The following PTPRG variants were observed in gnomAD, a reference collection of about 807,000 sequenced individuals.
PTPRG encodes protein tyrosine phosphatase receptor type G, also known as receptor-type tyrosine-protein phosphatase gamma.
Under a neutral mutation model 165.3 loss-of-function variants are expected in PTPRG, and 102 were observed. That is an observed-to-expected ratio of 0.62 (90% confidence interval 0.53 to 0.73). The LOEUF (loss-of-function observed/expected upper bound fraction) is 0.73, where lower values mean the gene tolerates loss of function less well. Ranked by LOEUF, PTPRG falls within the 30% of genes least tolerant of loss-of-function variation. PTPRG has a pLI of 0.00. For missense variants in PTPRG, 1,866 were observed against 1,861.4 expected, an observed-to-expected ratio of 1.00 and a Z score of -0.05; for synonymous variants, 675 against 669.5, an observed-to-expected ratio of 1.01 and a Z score of -0.13.
intron 8 of PTPRG, among the ~76,000 whole-genome samples, chr3:62,189,742 TC>T (rs1699759425): frequency 6.6e-6 from 1 of 152,120 alleles, no homozygotes; most frequent in South Asian, 2.1e-4. Flanking sequence ...CAGCTGAAGT[TC>T]AGGGGATCTT....
At chr3:61,690,070 CT>C (rs2030089036) in intron 1 of PTPRG, among the ~76,000 whole-genome samples, 1 of 152,210 alleles carries the variant, frequency 6.6e-6, no homozygotes, top group Admixed American at 6.5e-5. Context: ...CTTCAGCTTC[CT>C]TTTTCTTTGG....
intron 5 of PTPRG, among the ~76,000 whole-genome samples, chr3:62,122,430 G>A (rs1300063834): frequency 6.6e-6 from 1 of 152,162 alleles, no homozygotes; most frequent in East Asian, 1.9e-4. Flanking sequence ...CATTATGAGA[G>A]CAATCATTCA....
chr3:61,801,106 C>G, intron 2 of PTPRG, among the ~76,000 whole-genome samples: 1 of 152,186 alleles, frequency 6.6e-6, no homozygotes, highest in East Asian at 1.9e-4. Flanking sequence ...GTGTCACCAG[C>G]TGCTTCTGCA....
At chr3:61,678,338 G>A (rs1372545064) in intron 1 of PTPRG, among the ~76,000 whole-genome samples, 3 of 152,174 alleles carry the variant, frequency 2.0e-5, no homozygotes, top group Non-Finnish European at 4.4e-5. Context: ...TGTTGTCCAG[G>A]GAAGAAATAG....
At chr3:61,908,121 TAAAAAAA>T (rs1183592777) in intron 2 of PTPRG, among the ~76,000 whole-genome samples, 909 of 67,194 alleles carry the variant, frequency 0.014, 5 homozygotes, top group Non-Finnish European at 0.019. Flanking sequence ...CACCTCTCTT[TAAAAAAA>T]AAAAAAAAAA....
chr3:61,950,791 T>C (rs1409467329), intron 2 of PTPRG, among the ~76,000 whole-genome samples: 1 of 152,246 alleles, frequency 6.6e-6, no homozygotes. Context: ...TTTTGATCTT[T>C]ATGTTTAAAT....
chr3:61,643,263 G>A (rs917894321), intron 1 of PTPRG, among the ~76,000 whole-genome samples: 1 of 150,724 alleles, frequency 6.6e-6, no homozygotes, highest in Non-Finnish European at 1.5e-5. Context: ...CATCTGGGGA[G>A]AGAGAGAGAG....
chr3:61,677,864 G>A (rs1212275953), intron 1 of PTPRG, among the ~76,000 whole-genome samples: 4 of 152,184 alleles, frequency 2.6e-5, no homozygotes, highest in East Asian at 1.9e-4. Flanking sequence ...GGAGTGTTGG[G>A]CCGTGGATGG....
intron 26 of PTPRG, 115 bp downstream of exon 26, chr3:62,277,794 A>G (rs550226709): frequency 3.8e-6 from 5 of 1,308,076 alleles, no homozygotes; most frequent in Non-Finnish European, 5.2e-6. Flanking sequence ...GGGAATTTAA[A>G]ATTTTTAAAT....
At chr3:61,965,129 G>A (rs1335815937) in intron 2 of PTPRG, among the ~76,000 whole-genome samples, 4 of 151,568 alleles carry the variant, frequency 2.6e-5, no homozygotes, top group East Asian at 1.9e-4. Context: ...CTGTAATCCC[G>A]TCTACGTAGG....
rs562501588 is a variant in PTPRG at position 62,167,958 on chromosome 3, G to A, written c.841-13G>A. The A allele has an allele frequency of 1.2e-5, 20 of 1,605,350 alleles. No individual in the cohort carries two copies. In the South Asian group the frequency reaches 2.2e-4, roughly 18 times the overall value. ...TTTTTTTTTCCCCCTCCCCTCTCTGGTCCTCTGTTCAGCTTGAGGCTTTTT... is the reference window on the plus strand; with the variant it reads ...TTTTTTTTTCCCCCTCCCCTCTCTGATCCTCTGTTCAGCTTGAGGCTTTTT... On this transcript the variant is annotated splice_polypyrimidine_tract_variant and intron_variant, in intron 7 of 29. Transcript: ENST00000474889.
intron 5 of PTPRG, among the ~76,000 whole-genome samples, chr3:62,086,690 TA>T (rs1008549092): frequency 9.2e-5 from 14 of 152,216 alleles, no homozygotes; most frequent in Non-Finnish European, 8.8e-5. Flanking sequence ...GACTTTTTTT[TA>T]ATCCACAAAC....
chr3:62,261,814 A>G (rs1462651880), intron 16 of PTPRG: 11 of 152,220 alleles, frequency 7.2e-5, no homozygotes, highest in African/African-American at 2.2e-4. Flanking sequence ...ATAAAAGACA[A>G]CCAGTTCATT....
chr3:61,809,818 C>A (rs140734799), intron 2 of PTPRG, among the ~76,000 whole-genome samples: 1 of 152,240 alleles, frequency 6.6e-6, no homozygotes, highest in African/African-American at 2.4e-5. Context: ...AGTTGAGAGC[C>A]ACGGAAGCTT....
rs181946597 is a variant in PTPRG, at chr3:62,237,557, G to A, written c.2375+6246G>A. 4.6e-5 allele frequency among the ~76,000 whole-genome samples: 7 copies of A among 152,308 alleles called. No individual in the cohort carries two copies. Among genetic ancestry groups the A allele is most frequent in the South Asian group, 2.1e-4 (1 of 4,822 alleles). Reference sequence around the variant, plus strand: ...CCTGACTAAAAGATGTACTCTGCACGTTGTGTGTGCTCTGTTTTCCCAAGA... The same window carrying A: ...CCTGACTAAAAGATGTACTCTGCACATTGTGTGTGCTCTGTTTTCCCAAGA... On this transcript the variant is annotated intron_variant, in intron 14 of 29. Coordinates refer to ENST00000474889, the MANE Select transcript of PTPRG (RefSeq NM_002841.4). This position sits in a 1 kb window ranked among gnomAD's most constrained non-coding sequence, Gnocchi z 4.5.
chr3:61,976,711 C>G (rs2040515292), intron 2 of PTPRG, among the ~76,000 whole-genome samples: 1 of 151,500 alleles, frequency 6.6e-6, no homozygotes, highest in Non-Finnish European at 1.5e-5. Context: ...GTCTCGGTGT[C>G]TTGCCCAGGC....
At chr3:62,019,542 A>G (rs966809762) in intron 4 of PTPRG, among the ~76,000 whole-genome samples, 1 of 145,326 alleles carries the variant, frequency 6.9e-6, no homozygotes, top group Non-Finnish European at 1.5e-5. Flanking sequence ...AAAAAAAAAA[A>G]GTCCTTGGAA....
intron 2 of PTPRG, among the ~76,000 whole-genome samples, chr3:61,916,231 A>G (rs922712345): frequency 2.0e-5 from 3 of 152,178 alleles, no homozygotes; most frequent in Non-Finnish European, 4.4e-5. Flanking sequence ...TTGTAAATTG[A>G]GTTTTTCACA....
At chr3:62,051,557 C>T (rs1649115346) in intron 4 of PTPRG, among the ~76,000 whole-genome samples, 1 of 152,148 alleles carries the variant, frequency 6.6e-6, no homozygotes, top group African/African-American at 2.4e-5. Context: ...AATTCAGATT[C>T]CAGGGCCCCC....
Sources: allele counts gnomAD v4.1 joint callset (sites outside exome capture counted in the v4.1 genomes callset), GRCh38; gene constraint gnomAD v4.1.1; non-coding constraint Gnocchi (gnomAD v3.1); transcripts MANE v1.5; gene names NCBI Gene and HGNC (gene_info 2026-07-23, HGNC 2026-07-21).